Variants in ZNF804B observed in about 807,000 individuals in gnomAD.
ZNF804B encodes the protein zinc finger 804B.
In ZNF804B, 80 loss-of-function variants were observed where a neutral mutation model predicts 101.4. The observed-to-expected ratio is 0.79, with a 90% CI of 0.66 to 0.95. The LOEUF is 0.95. Ranked by LOEUF, ZNF804B falls within the 40% of genes least tolerant of loss-of-function variation. The probability of loss-of-function intolerance (pLI) is 0.00; values close to 1 mark genes in which losing one functional copy is unlikely to be tolerated. For synonymous variants in ZNF804B, 622 were observed against 558.8 expected (o/e 1.11, Z -1.59); for missense variants, 1,673 against 1,561.9 (o/e 1.07, Z -1.20).
chr7:88,823,935 A>C (rs1272146141), intron 1 of ZNF804B, among the ~76,000 whole-genome samples: 1 of 152,168 alleles, frequency 6.6e-6, no homozygotes, highest in Non-Finnish European at 1.5e-5. Flanking sequence ...CAGCAGCCTG[A>C]ATGCTCAGAG....
chr7:89,326,699 A>G (rs775199203), intron 2 of ZNF804B, among the ~76,000 whole-genome samples: 14 of 152,068 alleles, frequency 9.2e-5, no homozygotes, highest in Non-Finnish European at 1.8e-4. Flanking sequence ...CAATTGTTTT[A>G]GAGAAAATAT....
chr7:89,152,570 TC>T (rs1292799653), intron 1 of ZNF804B, among the ~76,000 whole-genome samples: 3 of 152,166 alleles, frequency 2.0e-5, no homozygotes, highest in Non-Finnish European at 2.9e-5. Context: ...ATTATTATGA[TC>T]TTTATGTTTC....
chr7:88,770,661 G>T (rs904161191), intron 1 of ZNF804B, among the ~76,000 whole-genome samples: 133 of 152,142 alleles, frequency 8.7e-4, no homozygotes, highest in Admixed American at 9.2e-4. Flanking sequence ...TCTCCTGTGA[G>T]ATGAGTGAAT....
chr7:89,095,369 C>T (rs79500941), intron 1 of ZNF804B, among the ~76,000 whole-genome samples: 1 of 152,148 alleles, frequency 6.6e-6, no homozygotes, highest in Non-Finnish European at 1.5e-5. Context: ...GAGAAATAAA[C>T]ATTTATTTTT....
chr7:89,166,773 A>G (rs1257083507), intron 1 of ZNF804B, among the ~76,000 whole-genome samples: 1 of 152,158 alleles, frequency 6.6e-6, no homozygotes, highest in African/African-American at 2.4e-5. Flanking sequence ...TATTGGAGAG[A>G]TGAACTTCCC....
chr7:89,013,442 T>C (rs1253653787), intron 1 of ZNF804B, among the ~76,000 whole-genome samples: 1 of 152,218 alleles, frequency 6.6e-6, no homozygotes, highest in African/African-American at 2.4e-5. Context: ...TGAGAATCTA[T>C]TTATGTAGAA....
intron 1 of ZNF804B, among the ~76,000 whole-genome samples, chr7:89,082,863 CT>C: frequency 6.6e-6 from 1 of 151,708 alleles, no homozygotes; most frequent in East Asian, 1.9e-4. Context: ...AATGAGTGAC[CT>C]AAAGAGAATT....
chr7:89,247,784 A>G (rs942000262), intron 2 of ZNF804B, among the ~76,000 whole-genome samples: 1 of 152,168 alleles, frequency 6.6e-6, no homozygotes, highest in Admixed American at 6.5e-5. Flanking sequence ...GACACAAGGA[A>G]TTCAAAGCAT....
At chr7:89,160,685 C>A (rs765334958) in intron 1 of ZNF804B, among the ~76,000 whole-genome samples, 10 of 151,992 alleles carry the variant, frequency 6.6e-5, no homozygotes, top group Non-Finnish European at 1.3e-4. Context: ...AAAATAATAA[C>A]CATTTGGGAC....
At chr7:89,169,740 A>G (rs1185045598) in intron 1 of ZNF804B, among the ~76,000 whole-genome samples, 1 of 152,198 alleles carries the variant, frequency 6.6e-6, no homozygotes, top group Non-Finnish European at 1.5e-5. Flanking sequence ...GTAAAAAAAT[A>G]TTCAATTAAC....
chr7:88,945,468 T>G (rs1793114721), intron 1 of ZNF804B, among the ~76,000 whole-genome samples: 1 of 152,134 alleles, frequency 6.6e-6, no homozygotes, highest in Admixed American at 6.6e-5. Context: ...TTGGTACCAG[T>G]ACCATGCTGT....
intron 3 of ZNF804B, among the ~76,000 whole-genome samples, chr7:89,332,906 T>G (rs1035385200): frequency 6.6e-6 from 1 of 151,830 alleles, no homozygotes; most frequent in African/African-American, 2.4e-5. Flanking sequence ...CCCAAGGAGC[T>G]AAACATTATA....
intron 1 of ZNF804B, among the ~76,000 whole-genome samples, chr7:88,869,324 T>C (rs966560203): frequency 2.0e-5 from 3 of 152,264 alleles, no homozygotes; most frequent in East Asian, 3.9e-4. Flanking sequence ...TATACCTACC[T>C]TGGGGCCCAT....
At chr7:89,247,609 A>C (rs1457856199) in intron 2 of ZNF804B, among the ~76,000 whole-genome samples, 1 of 152,136 alleles carries the variant, frequency 6.6e-6, no homozygotes, top group African/African-American at 2.4e-5. Flanking sequence ...AAAGAAAAAA[A>C]ATCTACCCAC....
At chr7:88,847,988 T>C (rs993688906) in intron 1 of ZNF804B, among the ~76,000 whole-genome samples, 1 of 152,144 alleles carries the variant, frequency 6.6e-6, no homozygotes, top group African/African-American at 2.4e-5. Context: ...TGGGGAATTA[T>C]TACTAATTTG....
chr7:88,955,175 C>T (rs1268663953), intron 1 of ZNF804B, among the ~76,000 whole-genome samples: 2 of 150,560 alleles, frequency 1.3e-5, no homozygotes, highest in South Asian at 2.1e-4. Context: ...AATGAGTTTA[C>T]ATAACTACCT....
intron 1 of ZNF804B, among the ~76,000 whole-genome samples, chr7:89,016,240 C>T (rs1788554629): frequency 6.6e-6 from 1 of 152,054 alleles, no homozygotes; most frequent in Non-Finnish European, 1.5e-5. Flanking sequence ...GATATTAGCG[C>T]TTTGTCAGAT....
rs73705567 is a variant in ZNF804B, at chr7:88,864,695, C to T, written c.108+104611C>T. ...CCCTATGGAGAAGTAAGATCTCTTG[C>T]CTGTACTTCATCTGGGACCGAAAGC... is the stretch of plus-strand genomic sequence containing the variant. On this transcript the variant is annotated intron_variant, in intron 1 of 3. Transcript: ENST00000333190. 3.0e-3 allele frequency among the ~76,000 whole-genome samples: 453 copies of T among 152,226 alleles called. 4 individuals are homozygous for T. Among genetic ancestry groups the T allele is most frequent in the African/African-American group, 0.01 (428 of 41,530 alleles).
intron 1 of ZNF804B, among the ~76,000 whole-genome samples, chr7:89,015,703 A>G (rs1349836368): frequency 2.6e-5 from 4 of 152,082 alleles, no homozygotes; most frequent in Admixed American, 6.6e-5. Flanking sequence ...TCCATGGTGT[A>G]TATGTGTCAC....
Sources: gnomAD v4.1 joint callset for allele counts (sites outside exome capture counted in the v4.1 genomes callset) on GRCh38, gnomAD v4.1.1 for gene constraint, MANE v1.5 for transcripts, NCBI Gene and HGNC (gene_info 2026-07-23, HGNC 2026-07-21) for gene names.